GLCE: variants seen among roughly 807,000 people sequenced by gnomAD.
GLCE encodes D-glucuronyl C5-epimerase.
A neutral mutation model predicts 47.9 loss-of-function variants in GLCE; 19 were observed. The observed-to-expected ratio is 0.40, with a 90% CI of 0.28 to 0.58. GLCE has a LOEUF of 0.58. Ranked by LOEUF, GLCE falls within the 20% of genes least tolerant of loss-of-function variation. The pLI is 0.48. For synonymous variants in GLCE, 245 were observed against 263.4 expected (o/e 0.93, Z 0.68); for missense variants, 556 against 743.3 (o/e 0.75, Z 2.93).
chr15:69,161,106 T>C (rs2051412345), intron 1 of GLCE, among the ~76,000 whole-genome samples: 1 of 151,968 alleles, frequency 6.6e-6, no homozygotes, highest in Admixed American at 6.5e-5. Context: ...TTGAGCTTCT[T>C]GGAGGTGGTG....
intron 1 of GLCE, among the ~76,000 whole-genome samples, chr15:69,165,964 C>T (rs1056135999): frequency 2.0e-5 from 3 of 152,160 alleles, no homozygotes; most frequent in South Asian, 2.1e-4. Context: ...TAAGACTTCT[C>T]GCACTTTAAG....
At chr15:69,185,761 C>T (rs750704838) in intron 1 of GLCE, among the ~76,000 whole-genome samples, 1 of 152,002 alleles carries the variant, frequency 6.6e-6, no homozygotes, top group Non-Finnish European at 1.5e-5. Flanking sequence ...GGGTATTCTC[C>T]AGTTCAATTC....
intron 1 of GLCE, among the ~76,000 whole-genome samples, chr15:69,182,296 T>A (rs60472600): frequency 0.033 from 4,921 of 150,408 alleles, 247 homozygotes; most frequent in African/African-American, 0.11. Context: ...TGTGTGTGTG[T>A]GTGAGAGAGA....
intron 1 of GLCE, among the ~76,000 whole-genome samples, chr15:69,168,759 C>T (rs1408376070): frequency 2.6e-5 from 4 of 151,998 alleles, no homozygotes; most frequent in South Asian, 2.1e-4. Flanking sequence ...CTCAAACTCC[C>T]GACCTCAGGT....
chr15:69,189,390 G>T (rs918127748), intron 1 of GLCE, among the ~76,000 whole-genome samples: 2 of 152,092 alleles, frequency 1.3e-5, no homozygotes, highest in African/African-American at 4.8e-5. Flanking sequence ...TCTCTTTAGC[G>T]CTGAATCATA....
At chr15:69,183,748 G>C (rs74318071) in intron 1 of GLCE, among the ~76,000 whole-genome samples, 1,755 of 152,270 alleles carry the variant, frequency 0.012, 27 homozygotes, top group African/African-American at 0.038. Context: ...TCTCAACCTT[G>C]GCTCAAATAA....
At chr15:69,164,721 CCTCTT>C (rs1202694566) in intron 1 of GLCE, among the ~76,000 whole-genome samples, 1 of 151,914 alleles carries the variant, frequency 6.6e-6, no homozygotes, top group African/African-American at 2.4e-5. Flanking sequence ...ATTTTAGAAG[CCTCTT>C]CTTTTTAAAG....
chr15:69,211,815 T>G (rs542610035), intron 2 of GLCE, among the ~76,000 whole-genome samples: 2 of 151,988 alleles, frequency 1.3e-5, no homozygotes, highest in Non-Finnish European at 2.9e-5. Context: ...AAAGAATGAT[T>G]ATTTGATTTG....
At chr15:69,261,495 C>G (rs772334555) in intron 4 of GLCE, among the ~76,000 whole-genome samples, 166 bp downstream of exon 4, 2 of 151,834 alleles carry the variant, frequency 1.3e-5, no homozygotes, top group Non-Finnish European at 2.9e-5. Context: ...AAAAAAGATA[C>G]AGCTAAAAAG....
At chr15:69,203,334 C>T (rs2052102046) in intron 1 of GLCE, among the ~76,000 whole-genome samples, 1 of 152,046 alleles carries the variant, frequency 6.6e-6, no homozygotes, top group South Asian at 2.1e-4. Flanking sequence ...TAAACACACG[C>T]AATGCTACAG....
intron 3 of GLCE, among the ~76,000 whole-genome samples, chr15:69,260,252 G>GCTTTTTTT (rs57452657): frequency 6.3e-5 from 5 of 79,224 alleles, no homozygotes; most frequent in African/African-American, 2.1e-4. Flanking sequence ...GTCACAACTG[G>GCTTTTTTT]TTTTTTTTTT....
intron 2 of GLCE, among the ~76,000 whole-genome samples, chr15:69,245,838 C>T (rs1286758904): frequency 2.6e-5 from 4 of 152,088 alleles, no homozygotes; most frequent in Admixed American, 6.5e-5. Context: ...AAGCAATTCT[C>T]CTGCCTCAGC....
chr15:69,261,305 A>G lies in GLCE; in HGVS notation c.805A>G (p.Asn269Asp). The change falls in exon 4 of 5, where the codon AAT (asparagine) becomes GAT (aspartate). Residue 269 changes from asparagine to aspartate, a missense_variant. Physicochemically the swap from Asn to Asp is conservative, Grantham distance 23 (BLOSUM62 1). Transcript: ENST00000261858. ...TGTGGCTGATAAGTCTAGATTCACC[A>G]ATGTCAAACAGTTTATTGCACCAGG... ...ANVADKSRFTNVKQFIAPETS... is the reference protein window; with the variant it reads ...ANVADKSRFTDVKQFIAPETS... The G allele has an allele frequency of 6.2e-7, 1 of 1,613,918 alleles. No individual in the cohort carries two copies. Among genetic ancestry groups the G allele is most frequent in the Non-Finnish European group, 8.5e-7 (1 of 1,179,922 alleles).
intron 1 of GLCE, among the ~76,000 whole-genome samples, chr15:69,189,109 T>C (rs1029314210): frequency 3.3e-5 from 5 of 152,194 alleles, no homozygotes; most frequent in African/African-American, 9.7e-5. Context: ...GACAAATGTG[T>C]AATGGCATAT....
At chr15:69,166,813 G>C (rs1048162603) in intron 1 of GLCE, among the ~76,000 whole-genome samples, 1 of 148,810 alleles carries the variant, frequency 6.7e-6, no homozygotes. Flanking sequence ...CCAGCTATTC[G>C]GGAGGCTGAG....
chr15:69,222,550 C>T (rs1335837262), intron 2 of GLCE, among the ~76,000 whole-genome samples: 1 of 152,152 alleles, frequency 6.6e-6, no homozygotes, highest in African/African-American at 2.4e-5. Context: ...CTGTTTAGGG[C>T]CTTGAACATA....
At chr15:69,239,697 C>T (rs1046215726) in intron 2 of GLCE, among the ~76,000 whole-genome samples, 3 of 152,098 alleles carry the variant, frequency 2.0e-5, no homozygotes, top group African/African-American at 7.2e-5. Context: ...TGAAATGTAT[C>T]AAATATGTTA....
At chr15:69,215,305 C>T (rs1380806135) in intron 2 of GLCE, among the ~76,000 whole-genome samples, 1 of 152,138 alleles carries the variant, frequency 6.6e-6, no homozygotes, top group Non-Finnish European at 1.5e-5. Context: ...TCCAGAGTAT[C>T]ATATACATGG....
chr15:69,253,196 A>G (rs1195520123), intron 2 of GLCE, among the ~76,000 whole-genome samples: 1 of 152,192 alleles, frequency 6.6e-6, no homozygotes, highest in Admixed American at 6.5e-5. Context: ...TCCCAGGCAA[A>G]CACTAGGCAG....
Sources: allele counts gnomAD v4.1 joint callset (sites outside exome capture counted in the v4.1 genomes callset), GRCh38; gene constraint gnomAD v4.1.1; transcripts MANE v1.5; gene names NCBI Gene and HGNC (gene_info 2026-07-23, HGNC 2026-07-21).